Variants in ADTRP observed in about 807,000 individuals in gnomAD.
ADTRP encodes androgen-dependent TFPI-regulating protein.
In ADTRP, 20 loss-of-function variants were observed where a neutral mutation model predicts 27.0. The ratio of observed to expected loss-of-function variants is 0.74; its 90% CI spans 0.52 to 1.08. ADTRP has a LOEUF of 1.08. Among genes scored for constraint, ADTRP ranks in the 50% least tolerant of loss-of-function variants. The probability of loss-of-function intolerance (pLI) is 0.00; values close to 1 mark genes in which losing one functional copy is unlikely to be tolerated. For missense variants in ADTRP, 251 were observed against 275.0 expected, an observed-to-expected ratio of 0.91 and a Z score of 0.62; for synonymous variants, 101 against 105.2, an observed-to-expected ratio of 0.96 and a Z score of 0.25.
chr6:11,745,540 T>C (rs188540008), intron 3 of ADTRP, among the ~76,000 whole-genome samples: 1 of 152,146 alleles, frequency 6.6e-6, no homozygotes, highest in Admixed American at 6.5e-5. Flanking sequence ...GCCTTTGGAG[T>C]TCACACTGAA....
intron 3 of ADTRP, among the ~76,000 whole-genome samples, chr6:11,765,548 T>A (rs1001956309): frequency 5.9e-5 from 9 of 152,022 alleles, no homozygotes; most frequent in African/African-American, 1.9e-4. Context: ...CTTTTTATAA[T>A]CTCCTGGTTG....
chr6:11,769,262 G>C (rs1049792244), intron 1 of ADTRP, among the ~76,000 whole-genome samples: 5 of 152,154 alleles, frequency 3.3e-5, no homozygotes, highest in African/African-American at 9.7e-5. Context: ...TGGTACAAGA[G>C]GGGTGGTCTG....
rs541541974 is a variant in ADTRP at position 11,765,321 on chromosome 6, TTG to T, written c.390+951_390+952del. 6.0e-4 allele frequency among the ~76,000 whole-genome samples: 82 copies of T among 135,646 alleles called. 3 individuals carry two copies. The highest frequency in any genetic ancestry group is 1.6e-3 in the African/African-American group (56 of 35,174). 89.0% of individuals were successfully genotyped at this position (135,646 alleles called of 152,430 possible). On this transcript the variant is annotated intron_variant, in intron 3 of 5. Transcript: ENST00000414691. ...CACTTCCTTGTGCCTTTCCCCTGGT[TTG>T]TTTTTTTTTTTTTTTTTTTTTGAGG...
chr6:11,756,679 AT>A (rs1213519477), intron 3 of ADTRP, among the ~76,000 whole-genome samples: 3 of 151,354 alleles, frequency 2.0e-5, no homozygotes, highest in African/African-American at 7.3e-5. Context: ...GAAGAAATTT[AT>A]TTTTTTTTCT....
At chr6:11,771,900 G>A (rs1221352774) in intron 1 of ADTRP, among the ~76,000 whole-genome samples, 3 of 152,238 alleles carry the variant, frequency 2.0e-5, no homozygotes, top group Admixed American at 1.3e-4. Flanking sequence ...AGGAGAAACC[G>A]ACCTTGCCCA....
chr6:11,770,056 A>T lies in ADTRP; in HGVS notation c.154-1673T>A, dbSNP rs966229310. 3.9e-6 allele frequency: 6 copies of T among 1,551,618 alleles called. No individual in the cohort carries two copies. The African/African-American group carries it at 6.8e-5, about 18-fold the overall frequency. ...CTGCCTAAAGCTTCCTGGCTGGTAG[A>T]TGTCAAACCCAGCAGTCCTGTTCTT... On this transcript the variant is annotated intron_variant, in intron 1 of 5. Transcript: ENST00000414691.
At chr6:11,726,261 G>A (rs1190976275) in intron 4 of ADTRP, among the ~76,000 whole-genome samples, 1 of 152,152 alleles carries the variant, frequency 6.6e-6, no homozygotes, top group Non-Finnish European at 1.5e-5. Flanking sequence ...TGCTATCTAT[G>A]GTTTCAATAT....
chr6:11,732,849 TG>T (rs1359142359), intron 4 of ADTRP, among the ~76,000 whole-genome samples: 1 of 152,212 alleles, frequency 6.6e-6, no homozygotes, highest in Non-Finnish European at 1.5e-5. Flanking sequence ...GATTTCAAAG[TG>T]CAGAGCTAGG....
At chr6:11,719,891 A>G (rs561822767) in intron 5 of ADTRP, among the ~76,000 whole-genome samples, 3 of 75,150 alleles carry the variant, frequency 4.0e-5, no homozygotes, top group African/African-American at 1.3e-4. Context: ...AGCAGCAGTG[A>G]CTAACTGTAT....
chr6:11,720,701 G>T (rs77477016), intron 5 of ADTRP, among the ~76,000 whole-genome samples: 1 of 152,022 alleles, frequency 6.6e-6, no homozygotes, highest in Non-Finnish European at 1.5e-5. Context: ...TCGATCTACC[G>T]TGGCTTTCTT....
At chr6:11,764,220 C>A (rs1763479463) in intron 3 of ADTRP, among the ~76,000 whole-genome samples, 1 of 152,214 alleles carries the variant, frequency 6.6e-6, no homozygotes, top group African/African-American at 2.4e-5. Flanking sequence ...TTATCCAGCT[C>A]TCTGCTTCCA....
chr6:11,747,638 T>C (rs116108762), intron 3 of ADTRP, among the ~76,000 whole-genome samples: 1 of 152,212 alleles, frequency 6.6e-6, no homozygotes, highest in Admixed American at 6.5e-5. Flanking sequence ...GGCATGGATT[T>C]ACTTTTCATA....
At chr6:11,759,013 G>A (rs1581357008) in intron 3 of ADTRP, among the ~76,000 whole-genome samples, 1 of 152,148 alleles carries the variant, frequency 6.6e-6, no homozygotes, top group Non-Finnish European at 1.5e-5. Flanking sequence ...ATATGATTGA[G>A]GCCAATATTC....
At chr6:11,752,163 A>C (rs994999649) in intron 3 of ADTRP, among the ~76,000 whole-genome samples, 10 of 151,904 alleles carry the variant, frequency 6.6e-5, no homozygotes, top group Admixed American at 6.6e-4. Flanking sequence ...GGTACCTTTT[A>C]TTCTGCTTTA....
chr6:11,715,604 G>T (rs184599883), intron 5 of ADTRP, among the ~76,000 whole-genome samples: 1 of 149,438 alleles, frequency 6.7e-6, no homozygotes, highest in Admixed American at 6.7e-5. Context: ...TGGATTTCAC[G>T]TTGTTTTCAT....
chr6:11,751,830 C>T (rs952300816), intron 3 of ADTRP, among the ~76,000 whole-genome samples: 7 of 152,320 alleles, frequency 4.6e-5, no homozygotes, highest in African/African-American at 9.6e-5. Flanking sequence ...TGAGTAAATA[C>T]GTTGACAGTT....
At chr6:11,753,034 C>T (rs1409621681) in intron 3 of ADTRP, among the ~76,000 whole-genome samples, 2 of 152,128 alleles carry the variant, frequency 1.3e-5, no homozygotes, top group Non-Finnish European at 2.9e-5. Context: ...AACCCAATAT[C>T]AAGAGAGGTT....
chr6:11,770,387 C>A (rs572532730), intron 1 of ADTRP, among the ~76,000 whole-genome samples: 2 of 151,992 alleles, frequency 1.3e-5, no homozygotes, highest in African/African-American at 2.4e-5. Context: ...TCAAGAGAGG[C>A]GGGGCTGGGG....
rs372311158 is a variant in ADTRP, at chr6:11,778,763, G to A, written c.-4C>T. The A allele has an allele frequency of 1.5e-5, 24 of 1,613,362 alleles. No individual in the cohort carries two copies. The African/African-American group carries it at 1.6e-4, about 11-fold the overall frequency. ...TGCATGTAGAAGTCTTCGTCATGGC[G>A]AGTGCTGACCGGGGCACCGTGAATG... On this transcript the variant is annotated 5_prime_UTR_variant, in exon 1 of 6. Transcript: ENST00000414691.
Sources: gnomAD v4.1 joint callset for allele counts (sites outside exome capture counted in the v4.1 genomes callset) on GRCh38, gnomAD v4.1.1 for gene constraint, MANE v1.5 for transcripts, NCBI Gene and HGNC (gene_info 2026-07-23, HGNC 2026-07-21) for gene names.